The following CNTN4 variants were observed in gnomAD, a reference collection of about 807,000 sequenced individuals.
CNTN4 encodes the protein contactin 4.
CNTN4 carries 77 observed loss-of-function variants against 122.5 expected under a neutral mutation model. That is an observed-to-expected ratio of 0.63 (90% CI 0.52 to 0.76). The LOEUF (loss-of-function observed/expected upper bound fraction) is 0.76, where lower values mean the gene tolerates loss of function less well. Ranked by LOEUF, CNTN4 falls within the 30% of genes least tolerant of loss-of-function variation. The pLI is 0.00. For synonymous variants in CNTN4, 512 were observed against 447.0 expected (o/e 1.15, Z -1.83); for missense variants, 1,256 against 1,259.1 (o/e 1.00, Z 0.04).
intron 6 of CNTN4, among the ~76,000 whole-genome samples, chr3:2,760,478 C>T (rs1010633273): frequency 4.6e-5 from 7 of 152,084 alleles, no homozygotes; most frequent in East Asian, 3.9e-4. Flanking sequence ...ACACTTTTGC[C>T]GAAAATCAGT....
intron 4 of CNTN4, among the ~76,000 whole-genome samples, chr3:2,614,573 A>T (rs1285155044): frequency 6.6e-6 from 1 of 152,108 alleles, no homozygotes; most frequent in African/African-American, 2.4e-5. Flanking sequence ...GATGTTTGGG[A>T]GATAGGATGG....
At chr3:2,588,538 T>G (rs1576118212) in intron 4 of CNTN4, among the ~76,000 whole-genome samples, 1 of 152,014 alleles carries the variant, frequency 6.6e-6, no homozygotes, top group South Asian at 2.1e-4. Context: ...ACTAATTTTT[T>G]GTACTTTTAG....
intron 10 of CNTN4, among the ~76,000 whole-genome samples, chr3:2,895,793 G>T (rs987809177): frequency 2.0e-5 from 3 of 152,240 alleles, no homozygotes; most frequent in South Asian, 4.1e-4. Flanking sequence ...CCAGCACTTT[G>T]GGAGGCCGAG....
intron 4 of CNTN4, among the ~76,000 whole-genome samples, chr3:2,717,756 C>T (rs2087587717): frequency 6.6e-6 from 1 of 150,784 alleles, no homozygotes; most frequent in African/African-American, 2.4e-5. Context: ...TTACCACTAG[C>T]AACATTTGAG....
chr3:2,426,761 C>T (rs1023198641), intron 3 of CNTN4, among the ~76,000 whole-genome samples: 2 of 152,088 alleles, frequency 1.3e-5, no homozygotes, highest in African/African-American at 4.8e-5. Context: ...TGTTATTGGT[C>T]TATTCAGGGA....
chr3:3,017,849 T>C (rs753558456), intron 14 of CNTN4, among the ~76,000 whole-genome samples: 1 of 152,088 alleles, frequency 6.6e-6, no homozygotes, highest in African/African-American at 2.4e-5. Context: ...AATCAGCAAA[T>C]AGAACAAATG....
chr3:2,659,354 C>T (rs765689156), intron 4 of CNTN4, among the ~76,000 whole-genome samples: 18 of 149,336 alleles, frequency 1.2e-4, no homozygotes, highest in Admixed American at 5.4e-4. Context: ...CCCAGCTACT[C>T]GGGAGGCTGA....
intron 14 of CNTN4, among the ~76,000 whole-genome samples, chr3:3,016,590 G>A (rs1378278236): frequency 2.6e-5 from 4 of 152,082 alleles, no homozygotes; most frequent in East Asian, 1.9e-4. Context: ...CTTATTAATC[G>A]TTGTGACCAA....
At chr3:2,304,040 A>G (rs187577014) in intron 2 of CNTN4, among the ~76,000 whole-genome samples, 11 of 152,260 alleles carry the variant, frequency 7.2e-5, no homozygotes, top group Non-Finnish European at 1.5e-4. Context: ...GGTTACATAT[A>G]AGTAGGTAAG....
chr3:2,144,867 TG>T (rs959577006), intron 2 of CNTN4, among the ~76,000 whole-genome samples: 6 of 152,068 alleles, frequency 3.9e-5, no homozygotes, highest in African/African-American at 1.5e-4. Flanking sequence ...ACATCGAAGC[TG>T]TCCTGTTCAT....
At chr3:2,493,964 A>T (rs1236074691) in intron 3 of CNTN4, among the ~76,000 whole-genome samples, 1 of 152,186 alleles carries the variant, frequency 6.6e-6, no homozygotes, top group Non-Finnish European at 1.5e-5. Context: ...GTGAGATAGA[A>T]GAAGCCTAAA....
chr3:2,639,115 C>T (rs777375996), intron 4 of CNTN4, among the ~76,000 whole-genome samples: 1 of 152,162 alleles, frequency 6.6e-6, no homozygotes, highest in Non-Finnish European at 1.5e-5. Flanking sequence ...CAGAACACAA[C>T]ATTCTTTTTT....
intron 6 of CNTN4, among the ~76,000 whole-genome samples, chr3:2,776,617 A>T (rs529791794): frequency 1.3e-5 from 2 of 152,244 alleles, no homozygotes; most frequent in East Asian, 3.9e-4. Context: ...GAATTGGTAG[A>T]CTGTAAACTT....
At chr3:2,311,147 A>G (rs2042899570) in intron 2 of CNTN4, among the ~76,000 whole-genome samples, 1 of 152,100 alleles carries the variant, frequency 6.6e-6, no homozygotes, top group Non-Finnish European at 1.5e-5. Context: ...ACAAAATTCA[A>G]TGAATTTCTA....
At position 2,709,507 on chromosome 3, in the gene CNTN4, C is replaced by T. The variant is rs893162695; in HGVS notation, c.56-26708C>T. Among the ~76,000 whole-genome samples, 7 of 152,164 alleles carry T rather than the reference C, an allele frequency of 4.6e-5. No individual in the cohort carries two copies. Among genetic ancestry groups the T allele is most frequent in the East Asian group, 1.9e-4 (1 of 5,200 alleles). On this transcript the variant is annotated intron_variant, in intron 4 of 24. Transcript: ENST00000418658. The surrounding 1 kb of genome is among the most constrained non-coding windows in gnomAD (Gnocchi z 5.0). Reference sequence around the variant, plus strand: ...TCCCCGCAATTACAGGGTTTTATATCGTTTGCCTCAGGCTAAAGATTTATG... The same window carrying T: ...TCCCCGCAATTACAGGGTTTTATATTGTTTGCCTCAGGCTAAAGATTTATG...
intron 2 of CNTN4, among the ~76,000 whole-genome samples, chr3:2,148,942 CTG>C (rs59161687): frequency 0.013 from 1,962 of 148,896 alleles, 18 homozygotes; most frequent in South Asian, 0.019. Context: ...ACTACCGTGA[CTG>C]TGTGTGTGTG....
chr3:2,587,951 A>T (rs2080278355), intron 4 of CNTN4, among the ~76,000 whole-genome samples: 1 of 152,154 alleles, frequency 6.6e-6, no homozygotes, highest in Non-Finnish European at 1.5e-5. Context: ...CTGCACAAGT[A>T]AAGAGTGAGA....
At chr3:2,569,907 T>C (rs984396525) in intron 3 of CNTN4, among the ~76,000 whole-genome samples, 1 of 152,078 alleles carries the variant, frequency 6.6e-6, no homozygotes, top group Non-Finnish European at 1.5e-5. Context: ...TATATGAAAT[T>C]CTCAGTAACA....
chr3:2,778,213 C>CAAATAAATAAATAAATAAAT (rs60613605), intron 6 of CNTN4, among the ~76,000 whole-genome samples: 22 of 118,954 alleles, frequency 1.8e-4, no homozygotes, highest in Admixed American at 2.6e-4. Flanking sequence ...GACTCCGTCT[C>CAAATAAATAAATAAATAAAT]AAATAAATAA....
Sources: allele counts gnomAD v4.1 joint callset (sites outside exome capture counted in the v4.1 genomes callset), GRCh38; gene constraint gnomAD v4.1.1; non-coding constraint Gnocchi (gnomAD v3.1); transcripts MANE v1.5; gene names NCBI Gene and HGNC (gene_info 2026-07-23, HGNC 2026-07-21).